Variants in ADAMTSL1 observed in about 807,000 individuals in gnomAD.
ADAMTSL1 encodes the protein ADAMTS like 1.
Under a neutral mutation model 201.8 loss-of-function variants are expected in ADAMTSL1, and 126 were observed. The observed-to-expected ratio is 0.62, with a 90% CI of 0.54 to 0.72. ADAMTSL1 has a LOEUF of 0.72. Ranked by LOEUF, ADAMTSL1 falls within the 30% of genes least tolerant of loss-of-function variation. The pLI is 0.00. For synonymous variants in ADAMTSL1, 1,121 were observed against 903.4 expected, an observed-to-expected ratio of 1.24 and a Z score of -4.32; for missense variants, 2,679 against 2,277.8, an observed-to-expected ratio of 1.18 and a Z score of -3.59.
At chr9:18,555,873 C>G (rs1032832992) in intron 3 of ADAMTSL1, among the ~76,000 whole-genome samples, 1 of 151,970 alleles carries the variant, frequency 6.6e-6, no homozygotes, top group African/African-American at 2.4e-5. Flanking sequence ...AAAGCTGGGT[C>G]AGCTCCTCAC....
At chr9:18,008,275 C>G (rs1044550989) in intron 1 of ADAMTSL1, among the ~76,000 whole-genome samples, 1 of 152,002 alleles carries the variant, frequency 6.6e-6, no homozygotes, top group Non-Finnish European at 1.5e-5. Context: ...GAGATTTCCA[C>G]ATTGTCCTTT....
intron 3 of ADAMTSL1, among the ~76,000 whole-genome samples, chr9:18,552,635 ATCT>A (rs1820857140): frequency 6.6e-6 from 1 of 151,878 alleles, no homozygotes; most frequent in Admixed American, 6.6e-5. Flanking sequence ...GATATTTAAA[ATCT>A]TCTTCTTTGT....
intron 2 of ADAMTSL1, among the ~76,000 whole-genome samples, chr9:18,231,857 T>C (rs541164737): frequency 3.3e-5 from 5 of 152,188 alleles, no homozygotes; most frequent in Non-Finnish European, 7.3e-5. Context: ...TACTACTAAC[T>C]CCACCTTCAG....
At chr9:18,581,287 C>T (rs1823073749) in intron 4 of ADAMTSL1, among the ~76,000 whole-genome samples, 1 of 152,120 alleles carries the variant, frequency 6.6e-6, no homozygotes, top group Non-Finnish European at 1.5e-5. Flanking sequence ...AAATTGAGCC[C>T]ACCCTAACGG....
chr9:18,871,764 A>G (rs897590684), intron 23 of ADAMTSL1, among the ~76,000 whole-genome samples: 11 of 152,132 alleles, frequency 7.2e-5, no homozygotes, highest in African/African-American at 1.2e-4. Flanking sequence ...CTCACATTCC[A>G]TCAGAGCTGC....
At chr9:18,893,590 T>C (rs1207346758) in intron 26 of ADAMTSL1, among the ~76,000 whole-genome samples, 1 of 152,226 alleles carries the variant, frequency 6.6e-6, no homozygotes, top group African/African-American at 2.4e-5. Context: ...TCAAAACTTC[T>C]GGTAACATCA....
Position 18,311,266 on chromosome 9 carries a change from A to G in ADAMTSL1, c.207+147285A>G, listed in dbSNP as rs187891760. Among the ~76,000 whole-genome samples, 585 of 152,138 alleles carry G rather than the reference A, an allele frequency of 3.8e-3. 3 individuals carry two copies. The highest frequency in any genetic ancestry group is 0.013 in the African/African-American group (560 of 41,516). On this transcript the variant is annotated intron_variant, in intron 2 of 29. Transcript: ENST00000680146. The stretch of plus-strand genomic sequence containing the variant: ...AATACCTAATATAGATGAAATATTG[A>G]TGGGTGCAGCAAACCACCACAGTGT...
At chr9:18,580,117 C>A (rs184853648) in intron 4 of ADAMTSL1, among the ~76,000 whole-genome samples, 1 of 152,070 alleles carries the variant, frequency 6.6e-6, no homozygotes, top group African/African-American at 2.4e-5. Flanking sequence ...TTGCTTATTG[C>A]TATTTCAAAA....
At chr9:18,140,670 A>G (rs1366687821) in intron 1 of ADAMTSL1, among the ~76,000 whole-genome samples, 1 of 152,216 alleles carries the variant, frequency 6.6e-6, no homozygotes, top group Non-Finnish European at 1.5e-5. Context: ...GCAGTGAGCC[A>G]TTCATCATCA....
At chr9:18,104,781 T>A (rs117751408) in intron 1 of ADAMTSL1, among the ~76,000 whole-genome samples, 6,212 of 152,224 alleles carry the variant, frequency 0.041, 173 homozygotes, top group Non-Finnish European at 0.063. Context: ...TGAAATGTAA[T>A]CAGTTATTCA....
intron 1 of ADAMTSL1, among the ~76,000 whole-genome samples, chr9:18,129,125 G>A (rs1037189162): frequency 6.6e-6 from 1 of 152,080 alleles, no homozygotes; most frequent in African/African-American, 2.4e-5. Flanking sequence ...AATAAACTCT[G>A]GTCAGCCTAG....
At chr9:18,440,560 C>T (rs1296124964) in intron 2 of ADAMTSL1, among the ~76,000 whole-genome samples, 1 of 151,062 alleles carries the variant, frequency 6.6e-6, no homozygotes, top group Non-Finnish European at 1.5e-5. Flanking sequence ...TAAATAAAAA[C>T]AACACTTTAT....
At chr9:18,576,467 T>C (rs1470355960) in intron 4 of ADAMTSL1, among the ~76,000 whole-genome samples, 3 of 152,206 alleles carry the variant, frequency 2.0e-5, no homozygotes, top group Non-Finnish European at 2.9e-5. Context: ...TCATATGCAC[T>C]AATTTATTTC....
At chr9:18,321,800 CCAAAA>C (rs910330827) in intron 2 of ADAMTSL1, among the ~76,000 whole-genome samples, 1 of 151,932 alleles carries the variant, frequency 6.6e-6, no homozygotes, top group Non-Finnish European at 1.5e-5. Context: ...GTCAAAAAAA[CCAAAA>C]CAAAACAAAA....
At position 18,883,203 on chromosome 9, in the gene ADAMTSL1, A is replaced by G. The variant is rs141260088; in HGVS notation, c.4250-4628A>G. 1.6e-3 allele frequency among the ~76,000 whole-genome samples: 236 copies of G among 152,218 alleles called. 1 individual carries two copies. The highest frequency in any genetic ancestry group is 1.7e-3 in the Admixed American group (26 of 15,288). On this transcript the variant is annotated intron_variant, in intron 23 of 28. Coordinates refer to ENST00000380548, the MANE Select transcript of ADAMTSL1 (RefSeq NM_001040272.6). The stretch of plus-strand genomic sequence containing the variant: ...ACTTGGTGACTTAAAACAACAATCA[A>G]TTGTTCTTACTGATCTTACTTAGTT...
intron 16 of ADAMTSL1, among the ~76,000 whole-genome samples, chr9:18,767,551 A>G (rs1232419795): frequency 6.6e-6 from 1 of 152,222 alleles, no homozygotes; most frequent in East Asian, 1.9e-4. Context: ...CTGTAAAACT[A>G]AATTTAAAAC....
intron 2 of ADAMTSL1, among the ~76,000 whole-genome samples, chr9:18,317,422 ACG>A (rs1491102213): frequency 6.7e-6 from 1 of 148,978 alleles, no homozygotes; most frequent in Non-Finnish European, 1.5e-5. Flanking sequence ...ACACACACAC[ACG>A]TACATGAGCA....
At chr9:18,744,649 G>C (rs1009297449) in intron 15 of ADAMTSL1, among the ~76,000 whole-genome samples, 9 of 152,186 alleles carry the variant, frequency 5.9e-5, no homozygotes, top group Non-Finnish European at 1.3e-4. Flanking sequence ...ACAGCCCTGG[G>C]AAGTAGGTAT....
intron 1 of ADAMTSL1, among the ~76,000 whole-genome samples, chr9:17,952,185 C>A (rs562785252): frequency 1.7e-4 from 25 of 150,454 alleles, no homozygotes; most frequent in Non-Finnish European, 3.5e-4. Context: ...AACTCCTGAG[C>A]TCAAGCAATC....
Sources: gnomAD v4.1 joint callset for allele counts (sites outside exome capture counted in the v4.1 genomes callset) on GRCh38, gnomAD v4.1.1 for gene constraint, MANE v1.5 for transcripts, NCBI Gene and HGNC (gene_info 2026-07-23, HGNC 2026-07-21) for gene names.